The following ROBO2 variants were observed in gnomAD, a reference collection of about 807,000 sequenced individuals.
The protein encoded by ROBO2 is roundabout guidance receptor 2.
A neutral mutation model predicts 160.8 loss-of-function variants in ROBO2; 53 were observed. The observed-to-expected ratio is 0.33, with a 90% CI of 0.26 to 0.41. ROBO2 has a LOEUF of 0.41. Among genes scored for constraint, ROBO2 ranks in the 10% least tolerant of loss-of-function variants. ROBO2 has a pLI of 1.00. For missense variants in ROBO2, 1,577 were observed against 1,722.4 expected (o/e 0.92, Z 1.49); for synonymous variants, 664 against 611.7 (o/e 1.09, Z -1.26).
chr3:76,734,518 C>G (rs986775636), intron 2 of ROBO2, among the ~76,000 whole-genome samples: 1 of 152,124 alleles, frequency 6.6e-6, no homozygotes, highest in African/African-American at 2.4e-5. Context: ...TTTTGGAAAG[C>G]TGACTCTTTG....
chr3:76,566,231 A>G (rs1260929080), intron 2 of ROBO2, among the ~76,000 whole-genome samples: 1 of 152,182 alleles, frequency 6.6e-6, no homozygotes, highest in Non-Finnish European at 1.5e-5. Flanking sequence ...CTCAAGAATA[A>G]TCATGTCTGC....
At chr3:77,098,654 T>C (rs899931763) in intron 2 of ROBO2, among the ~76,000 whole-genome samples, 69 of 151,960 alleles carry the variant, frequency 4.5e-4, no homozygotes, top group Non-Finnish European at 1.3e-4. Context: ...GAGACCATCC[T>C]GGGTAACACG....
At chr3:76,201,145 G>A (rs904972796) in intron 2 of ROBO2, among the ~76,000 whole-genome samples, 1 of 152,054 alleles carries the variant, frequency 6.6e-6, no homozygotes, top group African/African-American at 2.4e-5. Context: ...ATTTTTTTCT[G>A]AATCAGTCTT....
intron 2 of ROBO2, among the ~76,000 whole-genome samples, chr3:76,016,654 A>C (rs1157141895): frequency 6.6e-6 from 1 of 152,154 alleles, no homozygotes; most frequent in Non-Finnish European, 1.5e-5. Context: ...TCAATAAAAA[A>C]AATAAACTGG....
intron 2 of ROBO2, among the ~76,000 whole-genome samples, chr3:76,479,676 T>A (rs2079109796): frequency 6.6e-6 from 1 of 152,152 alleles, no homozygotes; most frequent in Non-Finnish European, 1.5e-5. Flanking sequence ...GCAAAATAAT[T>A]GATCCTGACA....
intron 2 of ROBO2, among the ~76,000 whole-genome samples, chr3:76,436,069 T>A (rs1385365836): frequency 6.6e-6 from 1 of 151,532 alleles, no homozygotes; most frequent in African/African-American, 2.4e-5. Flanking sequence ...GTGTCCTTCA[T>A]CCAGGGAAGT....
intron 2 of ROBO2, among the ~76,000 whole-genome samples, chr3:76,783,934 T>A (rs1326740840): frequency 6.6e-6 from 1 of 151,144 alleles, no homozygotes; most frequent in African/African-American, 2.4e-5. Context: ...TTTATTCCAC[T>A]AATTGGATCA....
chr3:76,739,552 A>G (rs910744613), intron 2 of ROBO2, among the ~76,000 whole-genome samples: 5 of 151,930 alleles, frequency 3.3e-5, no homozygotes, highest in African/African-American at 1.2e-4. Context: ...GGTGCAGCAC[A>G]CCAGCATGGC....
chr3:76,390,809 T>G (rs1046494038), intron 2 of ROBO2, among the ~76,000 whole-genome samples: 57 of 152,286 alleles, frequency 3.7e-4, no homozygotes, highest in African/African-American at 1.3e-3. Flanking sequence ...GTGCAACTTC[T>G]GTATTGTGGA....
intron 2 of ROBO2, among the ~76,000 whole-genome samples, chr3:76,985,304 C>T (rs1487127475): frequency 7.3e-5 from 11 of 151,710 alleles, no homozygotes; most frequent in East Asian, 3.9e-4. Context: ...ATAATCTGGC[C>T]GGGCACGGTG....
At chr3:76,073,422 A>G (rs1018948996) in intron 2 of ROBO2, among the ~76,000 whole-genome samples, 1 of 150,622 alleles carries the variant, frequency 6.6e-6, no homozygotes, top group East Asian at 2.0e-4. Flanking sequence ...CCTCCGGAGT[A>G]GCTGGGACTA....
intron 2 of ROBO2, among the ~76,000 whole-genome samples, chr3:77,391,552 C>A (rs577673279): frequency 2.0e-4 from 30 of 152,060 alleles, no homozygotes; most frequent in African/African-American, 7.2e-4. Flanking sequence ...AACCATCAGA[C>A]ATGGTTTTAT....
intron 2 of ROBO2, among the ~76,000 whole-genome samples, chr3:76,465,372 G>T (rs542340510): frequency 9.9e-4 from 151 of 151,954 alleles, no homozygotes; most frequent in African/African-American, 3.2e-3. Context: ...AAAAATAGTG[G>T]GTAATAAAAA....
intron 17 of ROBO2, among the ~76,000 whole-genome samples, chr3:77,592,605 G>A (rs1489627946): frequency 6.6e-6 from 1 of 152,090 alleles, no homozygotes; most frequent in African/African-American, 2.4e-5. Context: ...AGACTGGAGT[G>A]CAGTGGCACG....
chr3:76,450,791 A>G (rs1425447987), intron 2 of ROBO2, among the ~76,000 whole-genome samples: 1 of 152,162 alleles, frequency 6.6e-6, no homozygotes, highest in Non-Finnish European at 1.5e-5. Context: ...TTTGAAATAT[A>G]TTTTTTATTT....
intron 2 of ROBO2, among the ~76,000 whole-genome samples, chr3:76,257,786 C>T (rs1436087061): frequency 1.3e-5 from 2 of 152,070 alleles, no homozygotes; most frequent in Non-Finnish European, 2.9e-5. Context: ...TCATAGTGCA[C>T]AATTCCTTTC....
intron 2 of ROBO2, among the ~76,000 whole-genome samples, chr3:76,727,686 A>G (rs2107798009): frequency 6.6e-6 from 1 of 152,304 alleles, no homozygotes; most frequent in East Asian, 1.9e-4. Flanking sequence ...TGGAAGCTAA[A>G]AAAGTTGATC....
intron 2 of ROBO2, among the ~76,000 whole-genome samples, chr3:76,640,395 G>C (rs2090594939): frequency 6.6e-6 from 1 of 152,106 alleles, no homozygotes; most frequent in African/African-American, 2.4e-5. Context: ...GTCAGGCGTG[G>C]TGGCAGATGC....
Position 76,398,190 on chromosome 3 carries a change from T to C in ROBO2, c.109+460588T>C, listed in dbSNP as rs1321101394. ...GTCCTTTGTAGGGACATGGATGAAA[T>C]TGGAAATCATCATTTTCAGTAAACT... On this transcript the variant is annotated intron_variant, in intron 2 of 26. Transcript: ENST00000487694. Among the ~76,000 whole-genome samples the C allele has an allele frequency of 1.7e-4, 26 of 151,840 alleles. No individual in the cohort carries two copies. In the East Asian group the frequency reaches 4.9e-3, roughly 28 times the overall value.
Sources: gnomAD v4.1 joint callset for allele counts (sites outside exome capture counted in the v4.1 genomes callset) on GRCh38, gnomAD v4.1.1 for gene constraint, MANE v1.5 for transcripts, NCBI Gene and HGNC (gene_info 2026-07-23, HGNC 2026-07-21) for gene names.